ADAM32: variants seen among roughly 807,000 people sequenced by gnomAD.
ADAM32 encodes ADAM metallopeptidase domain 32.
In ADAM32, 89 loss-of-function variants were observed where a neutral mutation model predicts 114.9. The observed-to-expected ratio is 0.77, with a 90% confidence interval of 0.65 to 0.92. The LOEUF is 0.92. Ranked by LOEUF, ADAM32 falls within the 40% of genes least tolerant of loss-of-function variation. The pLI, the probability that ADAM32 is intolerant of heterozygous loss-of-function variation, is 0.00. For synonymous variants in ADAM32, 285 were observed against 307.5 expected (o/e 0.93, Z 0.77); for missense variants, 870 against 932.8 (o/e 0.93, Z 0.88).
At chr8:39,145,639 G>A (rs1803460853) in intron 3 of ADAM32, among the ~76,000 whole-genome samples, 1 of 152,034 alleles carries the variant, frequency 6.6e-6, no homozygotes, top group Non-Finnish European at 1.5e-5. Flanking sequence ...AAGAAGAGAT[G>A]GTTTCAAGAA....
chr8:39,177,061 C>CTT (rs138755208), intron 10 of ADAM32, among the ~76,000 whole-genome samples: 1 of 142,932 alleles, frequency 7.0e-6, no homozygotes. Flanking sequence ...TCATCTCCTC[C>CTT]TTTTTTTTTT....
chr8:39,228,384 G>A (rs1259101590), intron 14 of ADAM32, among the ~76,000 whole-genome samples: 2 of 152,174 alleles, frequency 1.3e-5, no homozygotes, highest in African/African-American at 4.8e-5. Flanking sequence ...AGCTAATCAG[G>A]GAGGCAATGG....
intron 3 of ADAM32, among the ~76,000 whole-genome samples, chr8:39,144,642 A>C (rs1438579514): frequency 9.1e-6 from 1 of 109,414 alleles, no homozygotes; most frequent in Non-Finnish European, 1.8e-5. Flanking sequence ...AATTAGGCCT[A>C]GAAGAGATAT....
chr8:39,144,551 T>A (rs1564477972), intron 3 of ADAM32, among the ~76,000 whole-genome samples: 1 of 152,216 alleles, frequency 6.6e-6, no homozygotes, highest in Non-Finnish European at 1.5e-5. Context: ...GGGGGAAATA[T>A]CCTGATGGCA....
chr8:39,123,211 G>T lies in ADAM32; in HGVS notation c.138+5046G>T, dbSNP rs1334008106. ...CATGTCTTTGCCATTTATCTAGCTGGCTTTCTTTGCACCAAGATCTCATTG... is the reference window on the plus strand; with the variant it reads ...CATGTCTTTGCCATTTATCTAGCTGTCTTTCTTTGCACCAAGATCTCATTG... On this transcript the variant is annotated intron_variant, in intron 2 of 24. Coordinates refer to ENST00000379907, the MANE Select transcript of ADAM32 (RefSeq NM_145004.7). Among the ~76,000 whole-genome samples the T allele has an allele frequency of 2.0e-5, 3 of 152,236 alleles. No individual in the cohort carries two copies. In the South Asian group the frequency reaches 6.2e-4, roughly 32 times the overall value.
rs185208598 is a variant in ADAM32, at chr8:39,174,599, G to C, written c.915+4602G>C. ...ATGTATACATGTGCCTTGCTGGTGC[G>C]CTGCACCCACCAACTCATCATCTAG... On this transcript the variant is annotated intron_variant, in intron 10 of 24. Transcript: ENST00000379907. Among the ~76,000 whole-genome samples the C allele has an allele frequency of 3.1e-3, 472 of 151,704 alleles. 2 individuals are homozygous for C. Among genetic ancestry groups the C allele is most frequent in the African/African-American group, 0.011 (450 of 41,382 alleles).
intron 12 of ADAM32, among the ~76,000 whole-genome samples, chr8:39,218,467 A>G (rs1176145823): frequency 6.6e-6 from 1 of 152,172 alleles, no homozygotes; most frequent in Non-Finnish European, 1.5e-5. Context: ...AAGTTCTCAC[A>G]GCCCCTGGGC....
intron 1 of ADAM32, among the ~76,000 whole-genome samples, chr8:39,117,426 T>C (rs182476373): frequency 6.6e-6 from 1 of 152,288 alleles, no homozygotes; most frequent in East Asian, 1.9e-4. Context: ...CTCTGACTTT[T>C]GTGGTAGACA....
At chr8:39,155,655 A>G (rs1804097693) in intron 6 of ADAM32, among the ~76,000 whole-genome samples, 1 of 152,192 alleles carries the variant, frequency 6.6e-6, no homozygotes, top group South Asian at 2.1e-4. Context: ...CCAGTTGTGG[A>G]TCTCGACTCA....
intron 14 of ADAM32, among the ~76,000 whole-genome samples, chr8:39,225,071 A>G (rs1017385528): frequency 2.0e-5 from 3 of 152,178 alleles, no homozygotes; most frequent in African/African-American, 2.4e-5. Context: ...CTCTGGCTCC[A>G]TGGAAAATGA....
Position 39,254,411 on chromosome 8 carries a change from T to C in ADAM32, c.1903-3T>C, listed in dbSNP as rs1423629285. 1.9e-6 allele frequency: 3 copies of C among 1,584,618 alleles called. No homozygotes were observed. Among genetic ancestry groups the C allele is most frequent in the Non-Finnish European group, 2.6e-6 (3 of 1,161,962 alleles). ...ATCATTTAATTTTTCAAAATGATCC[T>C]AGGTGTGTGATTCCAGAAACAAGTG... On this transcript the variant is annotated splice_region_variant and splice_polypyrimidine_tract_variant and intron_variant, in intron 17 of 24. Coordinates refer to ENST00000379907, the MANE Select transcript of ADAM32 (RefSeq NM_145004.7).
intron 11 of ADAM32, among the ~76,000 whole-genome samples, chr8:39,196,837 G>A (rs73606748): frequency 0.25 from 37,411 of 151,780 alleles, 4,984 homozygotes; most frequent in Non-Finnish European, 0.29. Flanking sequence ...TCCTATCAGG[G>A]TAATGCTGGC....
intron 2 of ADAM32, among the ~76,000 whole-genome samples, chr8:39,119,416 G>A (rs1840505020): frequency 6.6e-6 from 1 of 152,200 alleles, no homozygotes; most frequent in Non-Finnish European, 1.5e-5. Context: ...TGTAGTGGGA[G>A]TGTAGTGGTA....
intron 1 of ADAM32, among the ~76,000 whole-genome samples, chr8:39,108,406 G>A (rs1474812748): frequency 2.0e-5 from 3 of 152,206 alleles, no homozygotes; most frequent in Non-Finnish European, 4.4e-5. Flanking sequence ...AGAACTATGA[G>A]GAAAATAAAT....
intron 10 of ADAM32, among the ~76,000 whole-genome samples, chr8:39,173,120 T>C (rs967123994): frequency 6.6e-6 from 1 of 152,186 alleles, no homozygotes; most frequent in Non-Finnish European, 1.5e-5. Context: ...TAGCCAGGCA[T>C]GGTGGCAGGC....
chr8:39,147,071 A>C, intron 3 of ADAM32, 59 bp from the exon 4 acceptor site: 1 of 679,138 alleles, frequency 1.5e-6, no homozygotes. Flanking sequence ...TAAGTTTACT[A>C]TGTTTTTATA....
chr8:39,174,932 A>G (rs1443202956), intron 10 of ADAM32, among the ~76,000 whole-genome samples: 1 of 151,836 alleles, frequency 6.6e-6, no homozygotes, highest in African/African-American at 2.4e-5. Flanking sequence ...TAGGTATTTT[A>G]TTCTCTTTGT....
chr8:39,177,432 GT>G (rs1226369958), intron 10 of ADAM32, among the ~76,000 whole-genome samples: 1 of 152,056 alleles, frequency 6.6e-6, no homozygotes, highest in Non-Finnish European at 1.5e-5. Context: ...ATACCAGTGG[GT>G]TTTGACTCTT....
rs546867039 is a variant in ADAM32 at position 39,178,279 on chromosome 8, A to C, written c.915+8282A>C. Among the ~76,000 whole-genome samples, 3 of 152,072 alleles carry C rather than the reference A, an allele frequency of 2.0e-5. 1 individual carries two copies. The South Asian group carries it at 6.2e-4, about 32-fold the overall frequency. On this transcript the variant is annotated intron_variant, in intron 10 of 24. Coordinates refer to ENST00000379907, the MANE Select transcript of ADAM32 (RefSeq NM_145004.7). ...TCAGAAAGACAGTCTTCAAGCTCTG[A>C]TATTTTTTCCTCCTCTTGGTCTGTT...
Sources: allele counts gnomAD v4.1 joint callset (sites outside exome capture counted in the v4.1 genomes callset), GRCh38; gene constraint gnomAD v4.1.1; transcripts MANE v1.5; gene names NCBI Gene and HGNC (gene_info 2026-07-23, HGNC 2026-07-21).